Variants in FAM107B observed in about 807,000 individuals in gnomAD.
FAM107B encodes family with sequence similarity 107 member B, also known as protein FAM107B.
FAM107B carries 21 observed loss-of-function variants against 31.5 expected under a neutral mutation model. That is an observed-to-expected ratio of 0.67 (90% CI 0.47 to 0.96). The LOEUF (loss-of-function observed/expected upper bound fraction) is 0.96. Among genes scored for constraint, FAM107B ranks in the 40% least tolerant of loss-of-function variants. The pLI, the probability that FAM107B is intolerant of heterozygous loss-of-function variation, is 0.00. For missense variants in FAM107B, 452 were observed against 377.1 expected (o/e 1.20, Z -1.64); for synonymous variants, 157 against 141.5 (o/e 1.11, Z -0.78).
chr10:14,608,598 A>C (rs1249229224), intron 2 of FAM107B, among the ~76,000 whole-genome samples: 1 of 152,204 alleles, frequency 6.6e-6, no homozygotes, highest in Non-Finnish European at 1.5e-5. Context: ...TCTCAGATCC[A>C]CTTGTATGGC....
At chr10:14,552,514 C>T (rs966104011) in intron 2 of FAM107B, among the ~76,000 whole-genome samples, 5 of 151,908 alleles carry the variant, frequency 3.3e-5, no homozygotes, top group African/African-American at 1.2e-4. Context: ...AAATACATAG[C>T]CTTTACAACA....
At chr10:14,671,710 A>T (rs570630028) in intron 1 of FAM107B, among the ~76,000 whole-genome samples, 1 of 152,240 alleles carries the variant, frequency 6.6e-6, no homozygotes, top group South Asian at 2.1e-4. Flanking sequence ...CCTTGTTATC[A>T]CGTGCGGCTG....
At chr10:14,766,323 G>T (rs1438211574) in intron 1 of FAM107B, among the ~76,000 whole-genome samples, 1 of 152,184 alleles carries the variant, frequency 6.6e-6, no homozygotes, top group African/African-American at 2.4e-5. Flanking sequence ...GGAGAGCAAA[G>T]GAAAAGTTAT....
At chr10:14,522,123 A>G (rs1378471760) in intron 3 of FAM107B, 104 bp from the exon 4 acceptor site, 1 of 1,431,466 alleles carries the variant, frequency 7.0e-7, no homozygotes, top group Non-Finnish European at 9.3e-7. Flanking sequence ...AGTGGTCTAC[A>G]AAATTAGTAT....
intron 2 of FAM107B, among the ~76,000 whole-genome samples, chr10:14,584,162 G>A (rs1194115972): frequency 2.0e-5 from 3 of 152,204 alleles, no homozygotes; most frequent in East Asian, 1.9e-4. Context: ...TAAATAAGCA[G>A]CAACACTCTG....
intron 2 of FAM107B, among the ~76,000 whole-genome samples, chr10:14,557,077 C>T (rs927407626): frequency 6.6e-6 from 1 of 152,250 alleles, no homozygotes; most frequent in Non-Finnish European, 1.5e-5. Context: ...ACCCCTGGCT[C>T]TTCCTCACCT....
At chr10:14,677,050 T>C (rs1854700408) in intron 1 of FAM107B, among the ~76,000 whole-genome samples, 1 of 152,190 alleles carries the variant, frequency 6.6e-6, no homozygotes, top group South Asian at 2.1e-4. Context: ...ATCAAGACTT[T>C]ATTGTAGCCC....
At chr10:14,560,466 G>T (rs1231788095) in intron 2 of FAM107B, among the ~76,000 whole-genome samples, 1 of 152,170 alleles carries the variant, frequency 6.6e-6, no homozygotes, top group Admixed American at 6.5e-5. Context: ...GACACCACAG[G>T]GTATTCAAGG....
chr10:14,582,656 CG>C (rs1355384181), intron 2 of FAM107B, among the ~76,000 whole-genome samples: 1 of 151,952 alleles, frequency 6.6e-6, no homozygotes, highest in Non-Finnish European at 1.5e-5. Flanking sequence ...GGATTACAGG[CG>C]TGAGCCACCA....
chr10:14,710,454 AC>A (rs1855619338), intron 1 of FAM107B, among the ~76,000 whole-genome samples: 1 of 151,626 alleles, frequency 6.6e-6, no homozygotes, highest in Admixed American at 6.6e-5. Context: ...ACACACACAC[AC>A]ACACACACAC....
intron 1 of FAM107B, among the ~76,000 whole-genome samples, chr10:14,743,948 T>C (rs943390222): frequency 6.6e-6 from 1 of 152,244 alleles, no homozygotes; most frequent in Non-Finnish European, 1.5e-5. Context: ...TTGGGCAGTA[T>C]GGTCATTTTC....
rs57922026 is a variant in FAM107B, at chr10:14,705,023, C to CAAAAAA, written c.412-37338_412-37333dup. Among the ~76,000 whole-genome samples, 283 of 87,324 alleles carry CAAAAAA rather than the reference C, an allele frequency of 3.2e-3. 5 individuals are homozygous for CAAAAAA. Among genetic ancestry groups the CAAAAAA allele is most frequent in the East Asian group, 0.015 (46 of 3,010 alleles). The allele number at this position is 87,324 out of a possible 152,430, so 57.3% of individuals were successfully genotyped here. ...TGAGCAATGGAGTGAGACCCTGTCA[C>CAAAAAA]AAAAAAAAAAAAAAAAAAAATAGAC... On this transcript the variant is annotated intron_variant, in intron 1 of 4. Transcript: ENST00000181796.
chr10:14,541,381 T>C (rs1348157188), intron 2 of FAM107B, among the ~76,000 whole-genome samples: 1 of 152,158 alleles, frequency 6.6e-6, no homozygotes, highest in African/African-American at 2.4e-5. Context: ...TTTACAAATG[T>C]GTGGTTCTTA....
At chr10:14,750,175 A>G (rs926420498) in intron 1 of FAM107B, among the ~76,000 whole-genome samples, 5 of 152,244 alleles carry the variant, frequency 3.3e-5, no homozygotes, top group African/African-American at 1.2e-4. Context: ...GCTCTCACCC[A>G]CAAGCGTCTT....
In FAM107B at chr10:14,672,095, T is replaced by A. The variant is rs201439395; in HGVS notation, c.412-4404A>T. On this transcript the variant is annotated intron_variant, in intron 1 of 4. Transcript: ENST00000181796. ...AGTTTTTTTCTTTCTTTTTATTTTTTATTTATTTATTTTTTTTTTTGAGGC... is the reference window on the plus strand; with the variant it reads ...AGTTTTTTTCTTTCTTTTTATTTTTAATTTATTTATTTTTTTTTTTGAGGC... 6.0e-3 allele frequency among the ~76,000 whole-genome samples: 75 copies of A among 12,466 alleles called. No homozygotes were observed. The South Asian group carries it at 0.15, about 25-fold the overall frequency. 8.2% of individuals were successfully genotyped at this position (12,466 alleles called of 152,430 possible).
At chr10:14,643,868 A>T (rs1467105757) in intron 2 of FAM107B, among the ~76,000 whole-genome samples, 1 of 152,242 alleles carries the variant, frequency 6.6e-6, no homozygotes, top group East Asian at 1.9e-4. Context: ...CCTCAGGTAT[A>T]TGATTTTAGT....
At chr10:14,745,457 T>C (rs1832706165) in intron 1 of FAM107B, among the ~76,000 whole-genome samples, 1 of 152,178 alleles carries the variant, frequency 6.6e-6, no homozygotes, top group Non-Finnish European at 1.5e-5. Flanking sequence ...AATTTCTCTC[T>C]TAACACTACT....
chr10:14,719,313 T>C (rs1855857056), intron 1 of FAM107B, among the ~76,000 whole-genome samples: 1 of 152,206 alleles, frequency 6.6e-6, no homozygotes, highest in Non-Finnish European at 1.5e-5. Flanking sequence ...CCTACTTCAT[T>C]GGCCTGTCCT....
intron 2 of FAM107B, among the ~76,000 whole-genome samples, chr10:14,624,499 G>T (rs1036769954): frequency 6.6e-6 from 1 of 152,100 alleles, no homozygotes; most frequent in Non-Finnish European, 1.5e-5. Flanking sequence ...CGCCAGGTGT[G>T]GTGGTGTGCG....
Sources: allele counts gnomAD v4.1 joint callset (sites outside exome capture counted in the v4.1 genomes callset), GRCh38; gene constraint gnomAD v4.1.1; transcripts MANE v1.5; gene names NCBI Gene and HGNC (gene_info 2026-07-23, HGNC 2026-07-21).